The following ANK2 variants were observed in gnomAD, a reference collection of about 807,000 sequenced individuals.
ANK2 encodes the protein ankyrin 2, also known as ankyrin-2.
In ANK2, 83 loss-of-function variants were observed where a neutral mutation model predicts 360.5. The ratio of observed to expected loss-of-function variants is 0.23; its 90% confidence interval spans 0.19 to 0.28. ANK2 has a LOEUF of 0.28. ANK2 is among the 10% of genes least tolerant of loss of function. ANK2 has a pLI of 1.00. For synonymous variants in ANK2, 1,740 were observed against 1,759.5 expected, an observed-to-expected ratio of 0.99 and a Z score of 0.28; for missense variants, 4,201 against 4,795.7, an observed-to-expected ratio of 0.88 and a Z score of 3.66.
intron 13 of ANK2, among the ~76,000 whole-genome samples, chr4:113,262,652 A>G (rs903393599): frequency 2.2e-4 from 33 of 152,324 alleles, no homozygotes; most frequent in African/African-American, 7.5e-4. Flanking sequence ...AAAATAAAAA[A>G]CTACAATAAA....
the ANK2 span, among the ~76,000 whole-genome samples, chr4:112,806,882 G>A: frequency 6.6e-6 from 1 of 152,148 alleles, no homozygotes; most frequent in Non-Finnish European, 1.5e-5. Flanking sequence ...TCTTCTGGAT[G>A]TATACTCAGC....
rs1563056547 is a variant in ANK2, at chr4:113,233,104, C to CTTTTTTTTT, written c.483+846_483+847insTTTTTTTTT. Among the ~76,000 whole-genome samples the CTTTTTTTTT allele has an allele frequency of 6.8e-5, 2 of 29,294 alleles. 1 individual carries two copies. The allele number at this position is 29,294 out of a possible 152,430, so 19.2% of individuals were successfully genotyped here. On this transcript the variant is annotated intron_variant, in intron 5 of 45. Transcript: ENST00000357077. ...ACCAGAGTATATGGGCTTGGCTTTTCTGTTTTTTTTTTTTTTTTTTTTTTT... is the reference window on the plus strand; with the variant it reads ...ACCAGAGTATATGGGCTTGGCTTTTCTTTTTTTTTTGTTTTTTTTTTTTTTTTTTTTTTT...
At position 113,216,332 on chromosome 4, in the gene ANK2, G is replaced by GT. The variant is rs562339042; in HGVS notation, c.385-15826dup. Among the ~76,000 whole-genome samples, 50 of 152,320 alleles carry GT rather than the reference G, an allele frequency of 3.3e-4. No homozygotes were observed. The East Asian group carries it at 9.4e-3, about 29-fold the overall frequency. On this transcript the variant is annotated intron_variant, in intron 4 of 45. Transcript: ENST00000357077. ...TTTCTCGAAGCCTATGCGTAGCACA[G>GT]TTTATAATGCCAGGAAGGGGAAGCA...
intron 29 of ANK2, among the ~76,000 whole-genome samples, chr4:113,334,196 T>C (rs2093086656): frequency 1.3e-5 from 2 of 152,190 alleles, no homozygotes. Context: ...TACCACGGTT[T>C]GAATAAGAAT....
At chr4:112,838,744 CT>C (rs1478796812) in intron 1 of ANK2, among the ~76,000 whole-genome samples, 2 of 152,196 alleles carry the variant, frequency 1.3e-5, no homozygotes, top group African/African-American at 4.8e-5. Flanking sequence ...TGGCGCATGC[CT>C]GTAATCCCAG....
intron 2 of ANK2, among the ~76,000 whole-genome samples, chr4:113,006,182 C>G (rs2052778033): frequency 6.6e-6 from 1 of 152,128 alleles, no homozygotes; most frequent in Non-Finnish European, 1.5e-5. Flanking sequence ...TCATACAACA[C>G]ATAAAAATGA....
chr4:112,761,364 T>TA, the ANK2 span, among the ~76,000 whole-genome samples: 1 of 152,082 alleles, frequency 6.6e-6, no homozygotes, highest in Admixed American at 6.6e-5. Context: ...CTCATGCCTG[T>TA]AATCCCAGCA....
At chr4:113,363,588 G>T (rs1205746725) in intron 40 of ANK2, 119 bp downstream of exon 40, 3 of 1,066,040 alleles carry the variant, frequency 2.8e-6, no homozygotes, top group Non-Finnish European at 2.9e-6. Context: ...CAGTACAGTG[G>T]GTCCTTGAGT....
intron 2 of ANK2, among the ~76,000 whole-genome samples, chr4:112,917,838 A>G (rs113583291): frequency 0.02 from 3,090 of 152,352 alleles, 86 homozygotes; most frequent in African/African-American, 0.069. Flanking sequence ...TTTATGGGTC[A>G]ATAAAACTAT....
intron 1 of ANK2, among the ~76,000 whole-genome samples, chr4:113,104,826 A>T (rs2093419100): frequency 6.6e-6 from 1 of 152,194 alleles, no homozygotes; most frequent in South Asian, 2.1e-4. Flanking sequence ...AGTGAGTGGG[A>T]TTTAAAATTA....
At chr4:113,004,728 T>C (rs2052147398) in intron 2 of ANK2, among the ~76,000 whole-genome samples, 1 of 152,230 alleles carries the variant, frequency 6.6e-6, no homozygotes, top group Non-Finnish European at 1.5e-5. Flanking sequence ...TACCTAATTG[T>C]ATATGCTATT....
intron 1 of ANK2, among the ~76,000 whole-genome samples, chr4:113,103,762 G>A (rs1244484191): frequency 1.3e-5 from 2 of 152,142 alleles, no homozygotes; most frequent in Non-Finnish European, 2.9e-5. Context: ...AAAGCTGATA[G>A]AGTATACATA....
the ANK2 span, among the ~76,000 whole-genome samples, chr4:112,710,615 T>C: frequency 0.016 from 2,431 of 151,926 alleles, 36 homozygotes; most frequent in Middle Eastern, 0.031. Flanking sequence ...GGAGAATAGC[T>C]TGGACTCAGG....
the ANK2 span, among the ~76,000 whole-genome samples, chr4:112,778,427 C>T: frequency 6.6e-6 from 1 of 152,182 alleles, no homozygotes; most frequent in Non-Finnish European, 1.5e-5. Flanking sequence ...CTGCCTCGGC[C>T]TCCCAAAATG....
intron 1 of ANK2, among the ~76,000 whole-genome samples, chr4:112,868,183 C>T (rs182837592): frequency 2.0e-4 from 30 of 152,230 alleles, no homozygotes; most frequent in African/African-American, 7.0e-4. Context: ...ATGTGCTTGT[C>T]AGGTCATTTT....
chr4:113,168,668 T>G (rs1184706277), intron 1 of ANK2, among the ~76,000 whole-genome samples: 1 of 152,214 alleles, frequency 6.6e-6, no homozygotes, highest in African/African-American at 2.4e-5. Flanking sequence ...GTAAAGTGTT[T>G]TATATCACTT....
In ANK2 at chr4:113,354,144, C is replaced by T; in HGVS notation, c.5526C>T (p.His1842=). ...CCTCTTCCGCAAAAACTGAAAGGCA[C>T]CCTCCAGTATCACCATCAAGTAAAA... The part of the protein sequence containing the change: ...TLSSSAKTER[H]PPVSPSSKTE... Residue 1842 remains histidine, a synonymous_variant, in exon 38 of 46, where the codon CAC becomes CAT. Coordinates refer to ENST00000357077, the MANE Select transcript of ANK2 (RefSeq NM_001148.6). The T allele has an allele frequency of 1.9e-6, 3 of 1,614,146 alleles. No individual in the cohort carries two copies. Among genetic ancestry groups the T allele is most frequent in the Non-Finnish European group, 2.5e-6 (3 of 1,179,986 alleles).
intron 2 of ANK2, among the ~76,000 whole-genome samples, chr4:112,966,938 G>C (rs2037506744): frequency 6.6e-6 from 1 of 152,108 alleles, no homozygotes; most frequent in East Asian, 1.9e-4. Flanking sequence ...CTTGATGAGG[G>C]CCTTGGGGGG....
At chr4:113,110,394 C>A (rs946999257) in intron 1 of ANK2, among the ~76,000 whole-genome samples, 13 of 152,108 alleles carry the variant, frequency 8.5e-5, no homozygotes, top group Admixed American at 7.2e-4. Context: ...CAAACCGTAT[C>A]TCATGCCTAA....
Sources: gnomAD v4.1 joint callset for allele counts (sites outside exome capture counted in the v4.1 genomes callset) on GRCh38, gnomAD v4.1.1 for gene constraint, MANE v1.5 for transcripts, NCBI Gene and HGNC (gene_info 2026-07-23, HGNC 2026-07-21) for gene names.